HECW2: variants seen among roughly 807,000 people sequenced by gnomAD.
HECW2 encodes the protein E3 ubiquitin-protein ligase HECW2.
Under a neutral mutation model 175.2 loss-of-function variants are expected in HECW2, and 61 were observed. The observed-to-expected ratio is 0.35, with a 90% CI of 0.28 to 0.43. The LOEUF (loss-of-function observed/expected upper bound fraction) is 0.43. Among genes scored for constraint, HECW2 ranks in the 20% least tolerant of loss-of-function variants. The pLI is 1.00. For missense variants in HECW2, 1,524 were observed against 2,000.5 expected (o/e 0.76, Z 4.54); for synonymous variants, 671 against 731.0 (o/e 0.92, Z 1.32).
intron 1 of HECW2, among the ~76,000 whole-genome samples, chr2:196,572,065 G>C (rs1452840854): frequency 6.6e-6 from 1 of 152,164 alleles, no homozygotes; most frequent in Admixed American, 6.5e-5. Flanking sequence ...ACTTATATGA[G>C]GTAGCAAGAG....
chr2:196,482,390 A>G (rs1453517128), intron 1 of HECW2, among the ~76,000 whole-genome samples: 1 of 152,198 alleles, frequency 6.6e-6, no homozygotes, highest in Admixed American at 6.5e-5. Context: ...ACTCCAAGGG[A>G]TTACAACCTC....
chr2:196,434,110 T>G (rs1695799184), intron 1 of HECW2, among the ~76,000 whole-genome samples: 1 of 152,236 alleles, frequency 6.6e-6, no homozygotes. Context: ...ATTTGGTTAT[T>G]GTCTACTTCC....
At chr2:196,579,454 CCAGT>C (rs1347195432) in intron 1 of HECW2, among the ~76,000 whole-genome samples, 1 of 151,958 alleles carries the variant, frequency 6.6e-6, no homozygotes, top group Non-Finnish European at 1.5e-5. Context: ...ATTAAACAAT[CCAGT>C]CAAATGGCAG....
intron 1 of HECW2, among the ~76,000 whole-genome samples, chr2:196,582,282 A>G (rs1415151104): frequency 2.0e-5 from 3 of 152,166 alleles, no homozygotes; most frequent in African/African-American, 7.2e-5. Context: ...CAGATGCTGA[A>G]GATAAACTAA....
chr2:196,393,709 T>C (rs1421525652), intron 2 of HECW2, among the ~76,000 whole-genome samples: 2 of 152,158 alleles, frequency 1.3e-5, no homozygotes, highest in African/African-American at 4.8e-5. Context: ...GTTGGTGGGA[T>C]TGTAAACTAG....
intron 1 of HECW2, among the ~76,000 whole-genome samples, chr2:196,522,209 T>C (rs930313334): frequency 6.6e-6 from 1 of 152,142 alleles, no homozygotes; most frequent in Non-Finnish European, 1.5e-5. Context: ...ATTGTGGTTT[T>C]GATTTGCATT....
chr2:196,321,301 T>C (rs536105641), intron 7 of HECW2, among the ~76,000 whole-genome samples: 3 of 152,198 alleles, frequency 2.0e-5, no homozygotes, highest in Non-Finnish European at 4.4e-5. Flanking sequence ...TTCAAGTCTG[T>C]TTCTTTATCA....
chr2:196,206,674 C>T lies in HECW2; in HGVS notation c.4608-5286G>A, dbSNP rs538398429. On this transcript the variant is annotated intron_variant, in intron 28 of 28. Coordinates refer to ENST00000644978, the MANE Select transcript of HECW2 (RefSeq NM_001348768.2). ...GGTTTCTGTCCTCAAGGAGTTTACA[C>T]TGTGGCAGCAAAATATACAGGCAAA... Among the ~76,000 whole-genome samples the T allele has an allele frequency of 5.9e-5, 9 of 152,302 alleles. No individual in the cohort carries two copies. The East Asian group carries it at 1.7e-3, about 29-fold the overall frequency.
chr2:196,490,430 C>G (rs575879538), intron 1 of HECW2, among the ~76,000 whole-genome samples: 1 of 152,210 alleles, frequency 6.6e-6, no homozygotes, highest in Admixed American at 6.5e-5. Context: ...TCATTTGATC[C>G]AAAATGAGAC....
At chr2:196,444,616 C>T (rs1345363230) in intron 1 of HECW2, among the ~76,000 whole-genome samples, 2 of 152,150 alleles carry the variant, frequency 1.3e-5, no homozygotes, top group African/African-American at 2.4e-5. Context: ...CCCTACAGCA[C>T]TTTTTCAATG....
chr2:196,322,348 C>A, intron 7 of HECW2, 130 bp downstream of exon 7: 4 of 654,868 alleles, frequency 6.1e-6, no homozygotes, highest in Non-Finnish European at 9.9e-6. Context: ...TGTAAGGACA[C>A]TTTTATTTTT....
chr2:196,253,397 A>G (rs1280220728), intron 19 of HECW2, among the ~76,000 whole-genome samples: 1 of 152,182 alleles, frequency 6.6e-6, no homozygotes, highest in Admixed American at 6.5e-5. Flanking sequence ...TCACTCTTTC[A>G]TTCAGGCCTA....
intron 13 of HECW2, among the ~76,000 whole-genome samples, chr2:196,302,767 T>G (rs1691111120): frequency 6.6e-6 from 1 of 152,244 alleles, no homozygotes; most frequent in Admixed American, 6.5e-5. Flanking sequence ...CACACTGATT[T>G]TGTATTCTGA....
intron 2 of HECW2, chr2:196,361,843 C>T: frequency 1.0e-6 from 1 of 985,332 alleles, no homozygotes; most frequent in Non-Finnish European, 1.2e-6. Flanking sequence ...TAAAATCCAT[C>T]AGTCAAATGA....
intron 1 of HECW2, among the ~76,000 whole-genome samples, chr2:196,573,059 A>G (rs1169937705): frequency 6.6e-6 from 1 of 152,218 alleles, no homozygotes; most frequent in Non-Finnish European, 1.5e-5. Flanking sequence ...GTGGAAAAAC[A>G]GATGACAAAG....
rs773812965 is a variant in HECW2 at position 196,199,913 on chromosome 2, A to G, written c.*1364T>C. On this transcript the variant is annotated 3_prime_UTR_variant, in exon 29 of 29. Coordinates refer to ENST00000644978, the MANE Select transcript of HECW2 (RefSeq NM_001348768.2). ...ATGCAGGCTTAGAAATATAGTTCTG[A>G]GTTTCAATTTGTGGTGTCTTCACTG... 6.6e-6 allele frequency: 1 copy of G among 152,562 alleles called. No individual in the cohort carries two copies. Among genetic ancestry groups the G allele is most frequent in the Non-Finnish European group, 1.5e-5 (1 of 68,006 alleles). 9.5% of individuals were successfully genotyped at this position (152,562 alleles called of 1,614,324 possible).
At chr2:196,413,633 C>T (rs1341211235) in intron 2 of HECW2, among the ~76,000 whole-genome samples, 1 of 152,180 alleles carries the variant, frequency 6.6e-6, no homozygotes, top group Non-Finnish European at 1.5e-5. Flanking sequence ...GTGTAAGCCA[C>T]TATGCCCAGC....
At chr2:196,232,860 G>A (rs1015664682) in intron 21 of HECW2, among the ~76,000 whole-genome samples, 3 of 152,236 alleles carry the variant, frequency 2.0e-5, no homozygotes, top group African/African-American at 7.2e-5. Flanking sequence ...TCCTCTAGGA[G>A]AAAATGTGTC....
intron 28 of HECW2, among the ~76,000 whole-genome samples, chr2:196,203,879 C>T (rs1686964006): frequency 1.3e-5 from 2 of 152,162 alleles, no homozygotes; most frequent in Non-Finnish European, 2.9e-5. Flanking sequence ...TTTCCTCTCC[C>T]CCTAGCCCCT....
Sources: gnomAD v4.1 joint callset for allele counts (sites outside exome capture counted in the v4.1 genomes callset) on GRCh38, gnomAD v4.1.1 for gene constraint, MANE v1.5 for transcripts, NCBI Gene and HGNC (gene_info 2026-07-23, HGNC 2026-07-21) for gene names.